CCDC38: variants seen among roughly 807,000 people sequenced by gnomAD.
CCDC38 encodes coiled-coil domain containing 38.
In CCDC38, 69 loss-of-function variants were observed where a neutral mutation model predicts 72.8. That is an observed-to-expected ratio of 0.95 (90% CI 0.78 to 1.16). The LOEUF is 1.16. Ranked by LOEUF, CCDC38 falls within the 50% of genes most tolerant of loss-of-function variation. CCDC38 has a pLI of 0.00. For synonymous variants in CCDC38, 201 were observed against 213.2 expected (o/e 0.94, Z 0.50); for missense variants, 626 against 638.9 (o/e 0.98, Z 0.22).
At chr12:95,932,158 T>A (rs1010496400) in intron 2 of CCDC38, among the ~76,000 whole-genome samples, 8 of 152,094 alleles carry the variant, frequency 5.3e-5, no homozygotes, top group African/African-American at 9.7e-5. Context: ...CTTAATACTT[T>A]GTAGTTGGAT....
chr12:95,899,424 A>G (rs967185020), intron 5 of CCDC38, among the ~76,000 whole-genome samples: 5 of 152,170 alleles, frequency 3.3e-5, no homozygotes, highest in Admixed American at 6.6e-5. Context: ...CAGCCACTCA[A>G]GTAGCTGGGA....
At chr12:95,892,744 AT>A (rs1394099407) in intron 8 of CCDC38, among the ~76,000 whole-genome samples, 2 of 151,030 alleles carry the variant, frequency 1.3e-5, no homozygotes, top group Non-Finnish European at 3.0e-5. Context: ...TAATTTTTGT[AT>A]TTTTTAGTAG....
At chr12:95,880,345 T>C (rs2121428664) in intron 11 of CCDC38, among the ~76,000 whole-genome samples, 1 of 152,280 alleles carries the variant, frequency 6.6e-6, no homozygotes, top group Admixed American at 6.5e-5. Flanking sequence ...TACTATGGAA[T>C]ATTATTCAGC....
chr12:95,922,597 G>C (rs553006033), intron 2 of CCDC38, among the ~76,000 whole-genome samples: 162 of 152,342 alleles, frequency 1.1e-3, no homozygotes, highest in African/African-American at 3.8e-3. Context: ...GCCAGGCCGG[G>C]AGAGTTTCCT....
In CCDC38 at chr12:95,917,253, A is replaced by G. The variant is rs147537122; in HGVS notation, c.180T>C (p.Thr60=). Residue 60 remains threonine (T), a synonymous_variant, in exon 4 of 16, where the codon ACT becomes ACC. Transcript: ENST00000344280. The part of the protein sequence containing the change: ...MNRNMKVYQK[T]TFSSRMKSHS... Reference sequence around the variant, plus strand: ...GACTCTTCATTCTGGATGAAAAAGTAGTTTTCTGGTAGACTTTCATGTTAC... The same window carrying G: ...GACTCTTCATTCTGGATGAAAAAGTGGTTTTCTGGTAGACTTTCATGTTAC... The G allele has an allele frequency of 3.5e-4, 566 of 1,603,558 alleles. No individual in the cohort carries two copies. The highest frequency in any genetic ancestry group is 4.4e-4 in the Non-Finnish European group (518 of 1,177,916).
intron 1 of CCDC38, among the ~76,000 whole-genome samples, chr12:95,938,042 G>T (rs1016018655): frequency 2.0e-5 from 3 of 152,034 alleles, no homozygotes; most frequent in African/African-American, 4.8e-5. Flanking sequence ...CAGTAAGTGG[G>T]AACTATTATG....
At chr12:95,940,584 C>G (rs191305714) in intron 1 of CCDC38, among the ~76,000 whole-genome samples, 1 of 151,016 alleles carries the variant, frequency 6.6e-6, no homozygotes, top group Admixed American at 6.6e-5. Context: ...ATTTTTTTTT[C>G]CCACCTCCTC....
chr12:95,935,516 TC>T, intron 2 of CCDC38: 1 of 325,298 alleles, frequency 3.1e-6, no homozygotes, highest in Non-Finnish European at 6.3e-6. Context: ...AATGCTTGTA[TC>T]CAGACTTAAC....
At chr12:95,906,175 T>C (rs1479429071) in intron 5 of CCDC38, among the ~76,000 whole-genome samples, 1 of 152,230 alleles carries the variant, frequency 6.6e-6, no homozygotes, top group Non-Finnish European at 1.5e-5. Flanking sequence ...ATGTAAATCC[T>C]TTGAGAGGCA....
chr12:95,920,851 C>T lies in CCDC38; in HGVS notation c.38-1875G>A, dbSNP rs893302350. Among the ~76,000 whole-genome samples the T allele has an allele frequency of 9.9e-5, 15 of 152,024 alleles. No homozygotes were observed. The South Asian group carries it at 1.0e-3, about 11-fold the overall frequency. On this transcript the variant is annotated intron_variant, in intron 2 of 15. Coordinates refer to ENST00000344280, the MANE Select transcript of CCDC38 (RefSeq NM_182496.3). The stretch of plus-strand genomic sequence containing the variant: ...GGCCATTAAAAAAGCAAAAGAGGGC[C>T]GGGCGCAGTGGTCACACGTATAATC...
In CCDC38 at chr12:95,917,193, T is replaced by C; in HGVS notation, c.240A>G (p.Lys80=). 1 of 1,609,192 alleles carries C rather than the reference T, an allele frequency of 6.2e-7. No individual in the cohort carries two copies. The highest frequency in any genetic ancestry group is 1.1e-5 in the South Asian group (1 of 89,858). The change falls in exon 4 of 16, where the codon AAA becomes AAG. Residue 80 remains lysine (K), a synonymous_variant. Coordinates refer to ENST00000344280, the MANE Select transcript of CCDC38 (RefSeq NM_182496.3). ...SYLSQLAFYP[K]RSGRSFEKFG... ...ACTTTTCAAATGACCTACCACTCCT[T>C]TTAGGGTAGAAAGCTAGTTGGCTCA...
At chr12:95,940,575 T>C (rs560745929) in intron 1 of CCDC38, among the ~76,000 whole-genome samples, 10 of 151,366 alleles carry the variant, frequency 6.6e-5, no homozygotes, top group African/African-American at 2.4e-4. Flanking sequence ...TGCCCTTCCA[T>C]TTTTTTTTCC....
At chr12:95,932,881 A>T (rs1343398206) in intron 2 of CCDC38, among the ~76,000 whole-genome samples, 4 of 152,224 alleles carry the variant, frequency 2.6e-5, no homozygotes, top group Admixed American at 2.6e-4. Context: ...ATGGAGCTAC[A>T]GTAAAGGGAA....
chr12:95,881,881 T>A (rs946435993), intron 10 of CCDC38, among the ~76,000 whole-genome samples: 2 of 152,200 alleles, frequency 1.3e-5, no homozygotes, highest in African/African-American at 4.8e-5. Flanking sequence ...ACAGCCTATG[T>A]TGCCTCATCC....
chr12:95,877,794 C>T (rs1200063021), intron 13 of CCDC38, among the ~76,000 whole-genome samples: 1 of 152,156 alleles, frequency 6.6e-6, no homozygotes, highest in Non-Finnish European at 1.5e-5. Context: ...AAATCTAGTA[C>T]AGGCTCAGTG....
At chr12:95,926,932 T>C (rs2080277780) in intron 2 of CCDC38, among the ~76,000 whole-genome samples, 1 of 152,118 alleles carries the variant, frequency 6.6e-6, no homozygotes, top group Admixed American at 6.6e-5. Flanking sequence ...TCTGTTCTTT[T>C]ACATTTGCTG....
At position 95,878,306 on chromosome 12, in the gene CCDC38, G is replaced by A. The variant is rs2121424015; in HGVS notation, c.1183C>T (p.Leu395Phe). The change falls in exon 13 of 16, where the codon CTT becomes TTT. Residue 395 changes from leucine (L) to phenylalanine (F), a missense_variant. Coordinates refer to ENST00000344280, the MANE Select transcript of CCDC38 (RefSeq NM_182496.3). ...IEFLLEQEKM[L>F]KANCVREEEK... The stretch of plus-strand genomic sequence containing the variant: ...TCTTCTCTCACACAGTTAGCTTTAA[G>A]CATTTTTTCTTGCTCCAAAAGAAAC... The A allele has an allele frequency of 6.2e-7, 1 of 1,613,284 alleles. No individual in the cohort carries two copies. The highest frequency in any genetic ancestry group is 8.5e-7 in the Non-Finnish European group (1 of 1,179,648).
At chr12:95,930,472 A>G (rs1198286226) in intron 2 of CCDC38, among the ~76,000 whole-genome samples, 1 of 152,100 alleles carries the variant, frequency 6.6e-6, no homozygotes, top group Non-Finnish European at 1.5e-5. Flanking sequence ...CTCTTCCTCC[A>G]TTCTTCACAT....
At chr12:95,907,475 G>A (rs374047075) in intron 4 of CCDC38, among the ~76,000 whole-genome samples, 2 of 100,090 alleles carry the variant, frequency 2.0e-5, no homozygotes, top group African/African-American at 5.4e-5. Context: ...CCTCCCTCCC[G>A]GATGGGGCGG....
Sources: allele counts gnomAD v4.1 joint callset (sites outside exome capture counted in the v4.1 genomes callset), GRCh38; gene constraint gnomAD v4.1.1; transcripts MANE v1.5; gene names NCBI Gene and HGNC (gene_info 2026-07-23, HGNC 2026-07-21).